Variants in MYH15 observed in about 807,000 individuals in gnomAD.
The protein encoded by MYH15 is myosin-15.
Under a neutral mutation model 240.5 loss-of-function variants are expected in MYH15, and 227 were observed. The observed-to-expected ratio is 0.94, with a 90% confidence interval of 0.85 to 1.05. MYH15 has a LOEUF of 1.05. MYH15 is among the 50% of genes least tolerant of loss of function. MYH15 has a pLI of 0.00. For synonymous variants in MYH15, 785 were observed against 796.7 expected, an observed-to-expected ratio of 0.99 and a Z score of 0.25; for missense variants, 2,217 against 2,247.5, an observed-to-expected ratio of 0.99 and a Z score of 0.27.
the MYH15 span, among the ~76,000 whole-genome samples, chr3:108,536,249 A>T: frequency 3.3e-5 from 5 of 152,120 alleles, no homozygotes; most frequent in Admixed American, 6.5e-5. Context: ...TAGGTGACAG[A>T]GTGAGACTTT....
intron 1 of MYH15, among the ~76,000 whole-genome samples, chr3:108,528,187 G>T (rs1434461804): frequency 2.6e-5 from 4 of 151,954 alleles, no homozygotes; most frequent in East Asian, 1.9e-4. Flanking sequence ...ACCTCATAAG[G>T]TTTTCATTTT....
At position 108,437,625 on chromosome 3, in the gene MYH15, A is replaced by T; in HGVS notation, c.3150T>A (p.Asn1050Lys). ...CCATACTTTCCCGATTCAGCTTTAA[A>T]TTGCCCTCCAGTTTGTGCAGTTCCC... ...CERELHKLEG[N>K]LKLNRESMEN... The change falls in exon 25 of 41, where the codon AAT becomes AAA. Residue 1050 changes from asparagine (N) to lysine (K), a missense_variant. Physicochemically the swap from Asn to Lys is moderately conservative, Grantham distance 94. Coordinates refer to ENST00000693548, the MANE Select transcript of MYH15 (RefSeq NM_014981.3). 6.2e-7 allele frequency: 1 copy of T among 1,614,068 alleles called. No homozygotes were observed.
intron 21 of MYH15, among the ~76,000 whole-genome samples, chr3:108,449,725 A>T (rs1451213819): frequency 1.3e-5 from 2 of 152,082 alleles, no homozygotes; most frequent in Non-Finnish European, 2.9e-5. Flanking sequence ...GCAAAAATAG[A>T]CAATGGGATT....
chr3:108,455,604 A>C, intron 20 of MYH15, 132 bp downstream of exon 20: 9 of 1,022,664 alleles, frequency 8.8e-6, no homozygotes, highest in Non-Finnish European at 1.1e-5. Context: ...ACCTTCAGCT[A>C]AGATCTGTTT....
At chr3:108,394,194 C>A in intron 35 of MYH15, 38 bp from the exon 36 acceptor site, 1 of 1,612,122 alleles carries the variant, frequency 6.2e-7, no homozygotes, top group Non-Finnish European at 8.5e-7. Flanking sequence ...CAAGTAAAAA[C>A]CAGCAATGCA....
intron 14 of MYH15, among the ~76,000 whole-genome samples, chr3:108,466,145 C>A (rs2083115239): frequency 6.6e-6 from 1 of 152,228 alleles, no homozygotes. Flanking sequence ...TAGATTGGGT[C>A]CACAAAGTCA....
intron 25 of MYH15, among the ~76,000 whole-genome samples, chr3:108,433,782 G>A (rs2107563599): frequency 6.6e-6 from 1 of 152,240 alleles, no homozygotes; most frequent in South Asian, 2.1e-4. Context: ...AAGACATGTG[G>A]AACTGTAAAT....
chr3:108,507,927 A>G (rs2083490560), intron 1 of MYH15, among the ~76,000 whole-genome samples: 1 of 152,192 alleles, frequency 6.6e-6, no homozygotes, highest in South Asian at 2.1e-4. Context: ...AATGCTCTGC[A>G]TTTTAAACCA....
intron 21 of MYH15, among the ~76,000 whole-genome samples, chr3:108,449,878 C>T (rs1473868395): frequency 2.0e-5 from 3 of 151,678 alleles, no homozygotes; most frequent in Non-Finnish European, 4.4e-5. Context: ...AACTCTATAG[C>T]ATGAAAACAA....
intron 34 of MYH15, 111 bp downstream of exon 34, chr3:108,398,964 T>C: frequency 6.9e-7 from 1 of 1,457,452 alleles, no homozygotes. Flanking sequence ...CTGGAAAGAT[T>C]AGATTTGTTG....
intron 25 of MYH15, among the ~76,000 whole-genome samples, chr3:108,436,218 C>T (rs1282864190): frequency 6.6e-6 from 1 of 150,644 alleles, no homozygotes; most frequent in Non-Finnish European, 1.5e-5. Context: ...AACTCTTGAC[C>T]TGTGGCCTAC....
intron 3 of MYH15, 32 bp from the exon 4 acceptor site, chr3:108,500,306 T>G (rs757873125): frequency 1.3e-6 from 2 of 1,587,096 alleles, no homozygotes; most frequent in Admixed American, 3.6e-5. Context: ...TTTCAGAAAC[T>G]AGATTAGAAA....
In MYH15 at chr3:108,482,779, T is replaced by C. The variant is rs1576261591; in HGVS notation, c.1114+2312A>G. ...TACTTCCTTTTTGTATGGAACTTGT[T>C]ACGTATTTATGTATTTATTGTCTAA... On this transcript the variant is annotated intron_variant, in intron 11 of 40. Coordinates refer to ENST00000693548, the MANE Select transcript of MYH15 (RefSeq NM_014981.3). Among the ~76,000 whole-genome samples, 3 of 152,164 alleles carry C rather than the reference T, an allele frequency of 2.0e-5. No homozygotes were observed. In the South Asian group the frequency reaches 6.2e-4, roughly 32 times the overall value.
Position 108,414,316 on chromosome 3 carries a change from G to T in MYH15, c.4061C>A (p.Ser1354Tyr), listed in dbSNP as rs1490415576. Residue 1354 changes from serine (S) to tyrosine (Y), a missense_variant, in exon 30 of 41, where the codon TCC (serine) becomes TAC (tyrosine). Transcript: ENST00000693548. Reference sequence around the variant, plus strand: ...TTGCACCATTTCAGCATTGACTTTGGATAAGGTCCGGTGCAGCTCAGCCTT... The same window carrying T: ...TTGCACCATTTCAGCATTGACTTTGTATAAGGTCCGGTGCAGCTCAGCCTT... ...EVKAELHRTL[S>Y]KVNAEMVQWR... 1 of 1,614,086 alleles carries T rather than the reference G, an allele frequency of 6.2e-7. No individual in the cohort carries two copies.
At chr3:108,490,506 T>A (rs2083338173) in intron 9 of MYH15, among the ~76,000 whole-genome samples, 1 of 152,232 alleles carries the variant, frequency 6.6e-6, no homozygotes, top group Non-Finnish European at 1.5e-5. Flanking sequence ...CTATGCCACT[T>A]TAAATGGTCT....
At chr3:108,497,521 A>G (rs1182960501) in intron 6 of MYH15, among the ~76,000 whole-genome samples, 2 of 152,174 alleles carry the variant, frequency 1.3e-5, no homozygotes, top group Non-Finnish European at 2.9e-5. Context: ...AAAGTAAGCT[A>G]AACTAAAATG....
At chr3:108,532,750 A>T (rs2083720323), upstream of MYH15, among the ~76,000 whole-genome samples, 1 of 152,210 alleles carries the variant, frequency 6.6e-6, no homozygotes, top group South Asian at 2.1e-4. Context: ...TCTTTAAGAT[A>T]CGATCAAGGG....
Position 108,396,190 on chromosome 3 carries a change from A to AT in MYH15, c.5134-2035dup, listed in dbSNP as rs566991069. Among the ~76,000 whole-genome samples the AT allele has an allele frequency of 6.8e-3, 1,032 of 152,184 alleles. 6 individuals carry two copies. The highest frequency in any genetic ancestry group is 0.012 in the Non-Finnish European group (805 of 68,020). Reference sequence around the variant, plus strand: ...ATCCTCATCTCTCTCTAGGCTAGTGATTTTGCATCATATTGGATCCCACTG... The same window carrying AT: ...ATCCTCATCTCTCTCTAGGCTAGTGATTTTTGCATCATATTGGATCCCACTG... On this transcript the variant is annotated intron_variant, in intron 35 of 40. Coordinates refer to ENST00000693548, the MANE Select transcript of MYH15 (RefSeq NM_014981.3).
chr3:108,455,949 T>G, intron 19 of MYH15, 90 bp from the exon 20 acceptor site: 5 of 1,247,758 alleles, frequency 4.0e-6, no homozygotes, highest in Non-Finnish European at 5.7e-6. Context: ...AAAGGAGACA[T>G]AGATTTTTAT....
Sources: allele counts gnomAD v4.1 joint callset (sites outside exome capture counted in the v4.1 genomes callset), GRCh38; gene constraint gnomAD v4.1.1; transcripts MANE v1.5; gene names NCBI Gene and HGNC (gene_info 2026-07-23, HGNC 2026-07-21).